TTPA: variants seen among roughly 807,000 people sequenced by gnomAD.
TTPA encodes the protein alpha tocopherol transfer protein.
In TTPA, 23 loss-of-function variants were observed where a neutral mutation model predicts 25.9. The ratio of observed to expected loss-of-function variants is 0.89; its 90% confidence interval spans 0.64 to 1.26. TTPA has a LOEUF of 1.26. Ranked by LOEUF, TTPA falls within the 50% of genes most tolerant of loss-of-function variation. The pLI, the probability that TTPA is intolerant of heterozygous loss-of-function variation, is 0.00. For missense variants in TTPA, 337 were observed against 353.1 expected (o/e 0.95, Z 0.37); for synonymous variants, 148 against 137.3 (o/e 1.08, Z -0.54).
At chr8:63,063,685 T>C (rs1257639373) in intron 4 of TTPA, among the ~76,000 whole-genome samples, 1 of 152,190 alleles carries the variant, frequency 6.6e-6, no homozygotes, top group East Asian at 1.9e-4. Context: ...AAATATATTC[T>C]TATTTCTCCC....
At chr8:63,069,291 TA>T (rs36009249) in intron 2 of TTPA, among the ~76,000 whole-genome samples, 34,261 of 142,912 alleles carry the variant, frequency 0.24, 3,871 homozygotes, top group African/African-American at 0.26. Context: ...CTATAATGAT[TA>T]AAAAAAAAAA....
chr8:63,080,874 C>A (rs942580982), intron 1 of TTPA, among the ~76,000 whole-genome samples: 1 of 151,758 alleles, frequency 6.6e-6, no homozygotes, highest in African/African-American at 2.4e-5. Flanking sequence ...CACCTCTATG[C>A]AAATAAACTG....
downstream of TTPA, among the ~76,000 whole-genome samples, chr8:63,059,245 G>GT (rs1805260572): frequency 1.4e-5 from 2 of 142,796 alleles, no homozygotes; most frequent in Non-Finnish European, 3.1e-5. Flanking sequence ...TTTTAGCCGG[G>GT]ATGGTCTCGA....
chr8:63,068,152 G>A (rs1419867342), intron 2 of TTPA, among the ~76,000 whole-genome samples: 1 of 152,140 alleles, frequency 6.6e-6, no homozygotes, highest in Non-Finnish European at 1.5e-5. Context: ...ATACAAATCT[G>A]GGGGCTGTTT....
chr8:63,058,649 G>A (rs1396117950), downstream of TTPA, among the ~76,000 whole-genome samples: 2 of 152,012 alleles, frequency 1.3e-5, no homozygotes, highest in Admixed American at 6.6e-5. Flanking sequence ...ACACTTCAAA[G>A]TTCCATCATA....
In TTPA at chr8:63,060,555, A is replaced by G. The variant is rs1449213006; in HGVS notation, c.*697T>C. The G allele has an allele frequency of 6.6e-6, 1 of 152,220 alleles. No individual in the cohort carries two copies. The highest frequency in any genetic ancestry group is 1.5e-5 in the Non-Finnish European group (1 of 68,152). The allele number at this position is 152,220 out of a possible 1,614,324, so 9.4% of individuals were successfully genotyped here. A position where few individuals can be genotyped will look rare whatever the true frequency, so the allele number is the denominator to read the frequency against. ...CAACGTGGCAAAACCCCATCTCTAT[A>G]TAAAATACAAAACTTAGCCAGGAGT... On this transcript the variant is annotated 3_prime_UTR_variant, in exon 5 of 5. Coordinates refer to ENST00000260116, the MANE Select transcript of TTPA (RefSeq NM_000370.3).
intron 1 of TTPA, among the ~76,000 whole-genome samples, chr8:63,080,774 TC>T (rs1805651791): frequency 1.4e-5 from 2 of 145,088 alleles, no homozygotes; most frequent in Admixed American, 1.4e-4. Flanking sequence ...GAGAGAAGAA[TC>T]AAGTAATCAA....
At chr8:63,083,840 A>T (rs1409832037) in intron 1 of TTPA, among the ~76,000 whole-genome samples, 1 of 151,914 alleles carries the variant, frequency 6.6e-6, no homozygotes, top group Non-Finnish European at 1.5e-5. Flanking sequence ...GAAAAGGCAA[A>T]ATCATGTAAT....
At chr8:63,067,100 G>T (rs1654412205) in intron 2 of TTPA, among the ~76,000 whole-genome samples, 1 of 151,808 alleles carries the variant, frequency 6.6e-6, no homozygotes, top group African/African-American at 2.4e-5. Flanking sequence ...TTCAGCAGGG[G>T]GTGGGGAGAA....
In TTPA at chr8:63,061,212, T is replaced by C. The variant is rs770422347; in HGVS notation, c.*40A>G. The C allele has an allele frequency of 6.3e-6, 10 of 1,594,284 alleles. No homozygotes were observed. Among genetic ancestry groups the C allele is most frequent in the Middle Eastern group, 1.9e-4 (1 of 5,390 alleles). On this transcript the variant is annotated 3_prime_UTR_variant, in exon 5 of 5. Coordinates refer to ENST00000260116, the MANE Select transcript of TTPA (RefSeq NM_000370.3). ...ATTTAACCAGGTTGGATATCACTCA[T>C]GTATTTTTAGTTAGGAAGCCATTCA...
intron 1 of TTPA, among the ~76,000 whole-genome samples, chr8:63,078,384 T>C (rs1164954959): frequency 1.3e-5 from 2 of 152,102 alleles, no homozygotes; most frequent in Non-Finnish European, 2.9e-5. Context: ...AATAACAAAC[T>C]TGTCTGAGCT....
chr8:63,072,208 G>C (rs1244948557), intron 2 of TTPA, among the ~76,000 whole-genome samples: 4 of 152,162 alleles, frequency 2.6e-5, no homozygotes, highest in Non-Finnish European at 5.9e-5. Context: ...AGCAAACAGA[G>C]TAGATGAAAT....
intron 2 of TTPA, among the ~76,000 whole-genome samples, chr8:63,067,971 C>T (rs907733432): frequency 6.6e-6 from 1 of 152,200 alleles, no homozygotes; most frequent in Non-Finnish European, 1.5e-5. Context: ...CTGTGTAGTA[C>T]TCCATGGTGT....
chr8:63,072,885 C>T (rs749536567), intron 2 of TTPA, 50 bp downstream of exon 2: 14 of 1,606,952 alleles, frequency 8.7e-6, no homozygotes, highest in Non-Finnish European at 1.2e-5. Flanking sequence ...GGAGGGAACA[C>T]AACTGAACTG....
intron 1 of TTPA, among the ~76,000 whole-genome samples, chr8:63,079,789 G>A (rs1293195830): frequency 6.6e-6 from 1 of 152,124 alleles, no homozygotes; most frequent in Non-Finnish European, 1.5e-5. Flanking sequence ...AGGATATCCA[G>A]GACTTGAACT....
At chr8:63,077,396 C>A (rs557658024) in intron 1 of TTPA, among the ~76,000 whole-genome samples, 1 of 152,280 alleles carries the variant, frequency 6.6e-6, no homozygotes, top group Admixed American at 6.5e-5. Flanking sequence ...GGGGGATTTC[C>A]CTTTCCTAGC....
In TTPA at chr8:63,064,487, T is replaced by C. The variant is rs73684512; in HGVS notation, c.553-171A>G. 0.013 allele frequency among the ~76,000 whole-genome samples: 2,017 copies of C among 152,316 alleles called. 38 individuals are homozygous for C. The highest frequency in any genetic ancestry group is 0.045 in the African/African-American group (1,878 of 41,566). On this transcript the variant is annotated intron_variant, in intron 3 of 4. Transcript: ENST00000260116. The stretch of plus-strand genomic sequence containing the variant: ...CACAAAAGCCTGGCTTACAGTTCAC[T>C]GTCACTAGATTAAGTAAAGATCTCT...
chr8:63,066,326 G>C (rs962618418), intron 2 of TTPA, among the ~76,000 whole-genome samples: 1 of 152,190 alleles, frequency 6.6e-6, no homozygotes, highest in Non-Finnish European at 1.5e-5. Context: ...GCGGAAAAAG[G>C]AATGGACACA....
intron 1 of TTPA, among the ~76,000 whole-genome samples, chr8:63,081,114 A>T (rs975275308): frequency 6.6e-6 from 1 of 152,212 alleles, no homozygotes; most frequent in Non-Finnish European, 1.5e-5. Flanking sequence ...CAATAGAAAA[A>T]GAGGGGATCC....
Sources: allele counts gnomAD v4.1 joint callset (sites outside exome capture counted in the v4.1 genomes callset), GRCh38; gene constraint gnomAD v4.1.1; transcripts MANE v1.5; gene names NCBI Gene and HGNC (gene_info 2026-07-23, HGNC 2026-07-21).